Variants in TASP1 observed in about 807,000 individuals in gnomAD.
TASP1 encodes the protein threonine aspartase 1.
Under a neutral mutation model 56.6 loss-of-function variants are expected in TASP1, and 16 were observed. The ratio of observed to expected loss-of-function variants is 0.28; its 90% CI spans 0.19 to 0.43. The LOEUF is 0.43. Among genes scored for constraint, TASP1 ranks in the 20% least tolerant of loss-of-function variants. The pLI is 1.00. For synonymous variants in TASP1, 179 were observed against 184.2 expected, an observed-to-expected ratio of 0.97 and a Z score of 0.23; for missense variants, 393 against 511.6, an observed-to-expected ratio of 0.77 and a Z score of 2.24.
chr20:13,631,284 GA>G (rs1312433896), intron 1 of TASP1, among the ~76,000 whole-genome samples: 1 of 152,070 alleles, frequency 6.6e-6, no homozygotes, highest in Non-Finnish European at 1.5e-5. Flanking sequence ...ACAAATGCAG[GA>G]AAAAATTTTT....
chr20:13,328,911 A>G, the TASP1 span, among the ~76,000 whole-genome samples: 6 of 152,228 alleles, frequency 3.9e-5, no homozygotes, highest in Non-Finnish European at 8.8e-5. Flanking sequence ...ACATTTACCT[A>G]TGTAACAAAT....
intron 4 of TASP1, among the ~76,000 whole-genome samples, chr20:13,594,087 T>C (rs2047638208): frequency 6.6e-6 from 1 of 152,128 alleles, no homozygotes; most frequent in Non-Finnish European, 1.5e-5. Flanking sequence ...GCAAACAGGG[T>C]CTGGAGTGGA....
intron 13 of TASP1, among the ~76,000 whole-genome samples, chr20:13,410,960 G>A (rs1161469771): frequency 6.6e-6 from 1 of 151,928 alleles, no homozygotes; most frequent in Non-Finnish European, 1.5e-5. Flanking sequence ...TTATAGTTTG[G>A]GGCCTTACAT....
At chr20:13,400,906 T>TA (rs2041713358) in intron 13 of TASP1, among the ~76,000 whole-genome samples, 2 of 152,178 alleles carry the variant, frequency 1.3e-5, no homozygotes, top group Admixed American at 6.5e-5. Flanking sequence ...TGAAGACTTT[T>TA]AAAAAAACAT....
chr20:13,197,752 T>C, the TASP1 span, among the ~76,000 whole-genome samples: 6 of 152,206 alleles, frequency 3.9e-5, no homozygotes, highest in African/African-American at 1.4e-4. Flanking sequence ...AGATTTTTTA[T>C]ATTCAAGGAA....
At chr20:13,270,381 G>A in the TASP1 span, 2 of 1,077,428 alleles carry the variant, frequency 1.9e-6, no homozygotes, top group Non-Finnish European at 2.6e-6. Flanking sequence ...AGTTTGGAAT[G>A]CCCTACTGGC....
At chr20:13,305,740 C>G in the TASP1 span, among the ~76,000 whole-genome samples, 16 of 152,114 alleles carry the variant, frequency 1.1e-4, no homozygotes, top group African/African-American at 3.1e-4. Flanking sequence ...GGACATATTC[C>G]AGGATCAGAA....
chr20:13,148,517 G>A, the TASP1 span, among the ~76,000 whole-genome samples: 5 of 152,164 alleles, frequency 3.3e-5, no homozygotes, highest in African/African-American at 9.7e-5. Context: ...AGGTATCTCA[G>A]GAACCTGAGC....
intron 5 of TASP1, among the ~76,000 whole-genome samples, chr20:13,581,741 C>G (rs1278303601): frequency 6.6e-6 from 1 of 152,142 alleles, no homozygotes; most frequent in Non-Finnish European, 1.5e-5. Context: ...GGAAGGCAAT[C>G]AAAGTAACTA....
chr20:13,191,274 C>T, the TASP1 span, among the ~76,000 whole-genome samples: 12 of 152,156 alleles, frequency 7.9e-5, no homozygotes, highest in Admixed American at 6.5e-4. Context: ...AGCTCTCGGA[C>T]GAGGTATCTG....
intron 13 of TASP1, among the ~76,000 whole-genome samples, chr20:13,403,740 C>T (rs755313288): frequency 1.3e-5 from 2 of 152,000 alleles, no homozygotes; most frequent in Non-Finnish European, 2.9e-5. Flanking sequence ...TAAAAATTAG[C>T]CAGGTGAGGT....
chr20:13,553,582 C>T (rs1044528773), intron 8 of TASP1, among the ~76,000 whole-genome samples: 2 of 152,100 alleles, frequency 1.3e-5, no homozygotes, highest in Non-Finnish European at 2.9e-5. Context: ...AACAAAGATG[C>T]CAATTACCAA....
the TASP1 span, among the ~76,000 whole-genome samples, chr20:13,222,970 C>A: frequency 1.3e-5 from 2 of 152,068 alleles, no homozygotes; most frequent in African/African-American, 4.8e-5. Flanking sequence ...GGAGACTATC[C>A]TGGCCGACAT....
chr20:13,466,574 G>A (rs911247749), intron 11 of TASP1, among the ~76,000 whole-genome samples: 8 of 151,720 alleles, frequency 5.3e-5, no homozygotes, highest in Admixed American at 1.3e-4. Flanking sequence ...GTGAAACCCC[G>A]TCACCACTAA....
the TASP1 span, chr20:13,221,696 G>A: frequency 5.8e-6 from 7 of 1,200,986 alleles, no homozygotes; most frequent in Non-Finnish European, 7.4e-6. Context: ...GGGCTCCCGG[G>A]CTCCTACTCC....
rs774788668 is a variant in TASP1, at chr20:13,483,309, T to C, written c.903A>G (p.Ile301Met). Residue 301 changes from isoleucine (I) to methionine (M), a missense_variant, in exon 11 of 14, where the codon ATA becomes ATG. Ile to Met is a conservative substitution (Grantham distance 10, BLOSUM62 1). Coordinates refer to ENST00000337743, the MANE Select transcript of TASP1 (RefSeq NM_017714.3). Reference protein sequence around the residue: ...SGCGEHLVRTILARECSHALQ... With the variant: ...SGCGEHLVRTMLARECSHALQ... ...AAGCATGTGAACATTCTCTAGCCAG[T>C]ATGGTGCGCACAAGATGCTCTCCAC... 1.9e-6 allele frequency: 3 copies of C among 1,597,264 alleles called. No homozygotes were observed. The highest frequency in any genetic ancestry group is 2.3e-5 in the East Asian group (1 of 44,048).
chr20:13,160,231 G>A, the TASP1 span: 1 of 1,389,818 alleles, frequency 7.2e-7, no homozygotes, highest in Non-Finnish European at 9.5e-7. Flanking sequence ...GGTTTCTCTT[G>A]GGTTATTTAG....
chr20:13,256,604 C>T, the TASP1 span, among the ~76,000 whole-genome samples: 1 of 152,116 alleles, frequency 6.6e-6, no homozygotes, highest in East Asian at 1.9e-4. Context: ...CCACGTCTTC[C>T]ATCCTCAAGG....
intron 8 of TASP1, among the ~76,000 whole-genome samples, chr20:13,543,117 C>T (rs552261566): frequency 1.3e-4 from 20 of 152,274 alleles, no homozygotes; most frequent in Non-Finnish European, 2.4e-4. Flanking sequence ...AAGCCCATCC[C>T]TCCAGCCTTG....
Sources: gnomAD v4.1 joint callset for allele counts (sites outside exome capture counted in the v4.1 genomes callset) on GRCh38, gnomAD v4.1.1 for gene constraint, MANE v1.5 for transcripts, NCBI Gene and HGNC (gene_info 2026-07-23, HGNC 2026-07-21) for gene names.